C12orf42: variants seen among roughly 807,000 people sequenced by gnomAD.
The protein encoded by C12orf42 is uncharacterized protein C12orf42.
A neutral mutation model predicts 21.6 loss-of-function variants in C12orf42; 25 were observed. The ratio of observed to expected loss-of-function variants is 1.16; its 90% CI spans 0.84 to 1.62. The LOEUF is 1.62. C12orf42 is among the 40% of genes most tolerant of loss of function. The probability of loss-of-function intolerance (pLI) is 0.00; values close to 1 mark genes in which losing one functional copy is unlikely to be tolerated. For synonymous variants in C12orf42, 174 were observed against 175.0 expected, an observed-to-expected ratio of 0.99 and a Z score of 0.05; for missense variants, 483 against 459.3, an observed-to-expected ratio of 1.05 and a Z score of -0.47.
At chr12:103,380,863 T>C (rs1474733783) in intron 3 of C12orf42, among the ~76,000 whole-genome samples, 1 of 152,204 alleles carries the variant, frequency 6.6e-6, no homozygotes, top group Non-Finnish European at 1.5e-5. Context: ...ATCCCCATCC[T>C]ACAGATGTGG....
At chr12:103,093,752 T>A in the C12orf42 span, among the ~76,000 whole-genome samples, 1 of 152,172 alleles carries the variant, frequency 6.6e-6, no homozygotes, top group African/African-American at 2.4e-5. Context: ...GCAAGCAATA[T>A]ACATGGCCAT....
chr12:103,225,514 A>G, the C12orf42 span, among the ~76,000 whole-genome samples: 2 of 152,022 alleles, frequency 1.3e-5, no homozygotes, highest in Non-Finnish European at 2.9e-5. Context: ...GGTATCTTAT[A>G]TTTGTGGGTT....
chr12:103,419,156 G>C (rs1722447417), intron 2 of C12orf42, among the ~76,000 whole-genome samples: 1 of 152,152 alleles, frequency 6.6e-6, no homozygotes, highest in Non-Finnish European at 1.5e-5. Flanking sequence ...GAACCACAGG[G>C]AGTTCAGTGA....
chr12:103,108,969 G>A, the C12orf42 span, among the ~76,000 whole-genome samples: 1 of 152,248 alleles, frequency 6.6e-6, no homozygotes, highest in African/African-American at 2.4e-5. Context: ...TATTTGAAGA[G>A]AGATACATAT....
At chr12:103,074,387 C>T in the C12orf42 span, among the ~76,000 whole-genome samples, 3 of 152,112 alleles carry the variant, frequency 2.0e-5, no homozygotes, top group African/African-American at 4.8e-5. Flanking sequence ...GAGTAGATAG[C>T]TCCTGTCTGC....
chr12:103,557,372 C>T, the C12orf42 span: 1 of 152,146 alleles, frequency 6.6e-6, no homozygotes, highest in African/African-American at 2.4e-5. Context: ...GTTTACAGAG[C>T]ATTTGATTAA....
At chr12:103,082,446 A>G in the C12orf42 span, among the ~76,000 whole-genome samples, 13 of 152,212 alleles carry the variant, frequency 8.5e-5, no homozygotes, top group African/African-American at 2.4e-5. Flanking sequence ...AACTTCATTG[A>G]CAACCAATCT....
In C12orf42 at chr12:103,238,677, G is replaced by T. The variant is rs75330467; in HGVS notation, c.*1367-775C>A. 1.7e-3 allele frequency among the ~76,000 whole-genome samples: 261 copies of T among 152,324 alleles called. 2 individuals are homozygous for T. The East Asian group carries it at 0.04, about 23-fold the overall frequency. On this transcript the variant is annotated intron_variant and NMD_transcript_variant, in intron 10 of 10. Coordinates refer to the C12orf42 transcript ENST00000547347. ...AGGAGCTCTGTCCATCCTTGGGAGA[G>T]ATTATGCCCTTGATCTAGGAAAACA...
chr12:103,127,729 C>T, the C12orf42 span, among the ~76,000 whole-genome samples: 1 of 152,152 alleles, frequency 6.6e-6, no homozygotes, highest in Non-Finnish European at 1.5e-5. Context: ...GGACACCTCC[C>T]TACGACACAT....
At chr12:103,063,231 C>T in the C12orf42 span, among the ~76,000 whole-genome samples, 1 of 152,150 alleles carries the variant, frequency 6.6e-6, no homozygotes. Flanking sequence ...GATACAGAGC[C>T]TTAAATCTGC....
chr12:103,129,683 C>T, the C12orf42 span, among the ~76,000 whole-genome samples: 1 of 152,198 alleles, frequency 6.6e-6, no homozygotes, highest in African/African-American at 2.4e-5. Flanking sequence ...GCATGTTTTT[C>T]TCTATTCACA....
At chr12:103,064,200 A>G in the C12orf42 span, among the ~76,000 whole-genome samples, 2 of 152,208 alleles carry the variant, frequency 1.3e-5, no homozygotes, top group East Asian at 1.9e-4. Context: ...CAGCACCTGC[A>G]TCTTTGCAGA....
the C12orf42 span, among the ~76,000 whole-genome samples, chr12:103,075,873 G>T: frequency 6.6e-6 from 1 of 152,206 alleles, no homozygotes; most frequent in East Asian, 1.9e-4. Context: ...GGGGTAATGA[G>T]AAAGAGTAAG....
At chr12:103,483,560 T>C (rs1954618065) in intron 1 of C12orf42, among the ~76,000 whole-genome samples, 1 of 152,162 alleles carries the variant, frequency 6.6e-6, no homozygotes. Context: ...AAATTATGGT[T>C]ACGATTTTTC....
the C12orf42 span, chr12:103,164,734 T>C: frequency 4.4e-6 from 2 of 455,408 alleles, no homozygotes; most frequent in Non-Finnish European, 8.8e-6. Flanking sequence ...AATACTCCTT[T>C]ATTTATTCCA....
the C12orf42 span, among the ~76,000 whole-genome samples, chr12:103,225,745 T>C: frequency 1.3e-5 from 2 of 152,122 alleles, no homozygotes; most frequent in African/African-American, 4.8e-5. Context: ...TTTAAGAGGT[T>C]TAGAAGCCTG....
At chr12:103,316,454 T>A (rs1269234562) in intron 4 of C12orf42, among the ~76,000 whole-genome samples, 1 of 151,880 alleles carries the variant, frequency 6.6e-6, no homozygotes, top group African/African-American at 2.4e-5. Flanking sequence ...TTAAAAGAAG[T>A]TTTTTGGGGA....
chr12:103,363,487 C>A (rs2044302704), intron 4 of C12orf42, among the ~76,000 whole-genome samples: 1 of 152,010 alleles, frequency 6.6e-6, no homozygotes, highest in Non-Finnish European at 1.5e-5. Flanking sequence ...GGATTAGTAC[C>A]TCACATCTCA....
chr12:103,131,268 T>C, the C12orf42 span, among the ~76,000 whole-genome samples: 2 of 152,208 alleles, frequency 1.3e-5, no homozygotes, highest in African/African-American at 4.8e-5. Flanking sequence ...AAAATTTATA[T>C]AGGAAGAGAA....
Sources: allele counts gnomAD v4.1 joint callset (sites outside exome capture counted in the v4.1 genomes callset), GRCh38; gene constraint gnomAD v4.1.1; transcripts MANE v1.5; gene names NCBI Gene and HGNC (gene_info 2026-07-23, HGNC 2026-07-21).